Variants in SLC6A5 observed in about 807,000 individuals in gnomAD.
SLC6A5 encodes the protein solute carrier family 6 member 5.
A neutral mutation model predicts 90.5 loss-of-function variants in SLC6A5; 58 were observed. The ratio of observed to expected loss-of-function variants is 0.64; its 90% confidence interval spans 0.52 to 0.80. SLC6A5 has a LOEUF of 0.80. Among genes scored for constraint, SLC6A5 ranks in the 30% least tolerant of loss-of-function variants. The pLI is 0.00. For missense variants in SLC6A5, 1,015 were observed against 1,017.6 expected, an observed-to-expected ratio of 1.00 and a Z score of 0.03; for synonymous variants, 427 against 401.4, an observed-to-expected ratio of 1.06 and a Z score of -0.76.
chr11:20,638,090 G>C (rs980936808), intron 12 of SLC6A5, among the ~76,000 whole-genome samples: 9 of 152,204 alleles, frequency 5.9e-5, no homozygotes, highest in African/African-American at 2.2e-4. Flanking sequence ...AGGGTCAATC[G>C]AATGCAGATA....
chr11:20,601,445 C>A lies in SLC6A5; in HGVS notation c.320C>A (p.Pro107His). ...LREAQGAQASPPPGSSGPGNA... is the reference protein window; with the variant it reads ...LREAQGAQASHPPGSSGPGNA... Reference sequence around the variant, plus strand: ...GAGGCGCAAGGCGCGCAGGCCTCGCCCCCTCCCGGGAGCTCCGGGCCCGGC... The same window carrying A: ...GAGGCGCAAGGCGCGCAGGCCTCGCACCCTCCCGGGAGCTCCGGGCCCGGC... Residue 107 changes from proline (P) to histidine (H), a missense_variant, in exon 2 of 16, where the codon CCC becomes CAC. Physicochemically the swap from Pro to His is moderately conservative, Grantham distance 77. Transcript: ENST00000525748. 2 of 1,608,334 alleles carry A rather than the reference C, an allele frequency of 1.2e-6. No individual in the cohort carries two copies. Among genetic ancestry groups the A allele is most frequent in the Non-Finnish European group, 1.7e-6 (2 of 1,177,550 alleles).
At chr11:20,639,701 G>C (rs890898791) in intron 13 of SLC6A5, among the ~76,000 whole-genome samples, 3 of 152,112 alleles carry the variant, frequency 2.0e-5, no homozygotes, top group African/African-American at 4.8e-5. Context: ...TAAAATAAAG[G>C]GGGTGGAGTG....
At chr11:20,624,603 A>G (rs1358720669) in intron 7 of SLC6A5, among the ~76,000 whole-genome samples, 2 of 152,162 alleles carry the variant, frequency 1.3e-5, no homozygotes, top group Admixed American at 6.5e-5. Flanking sequence ...AGCGTGCGGC[A>G]GGTGCCCTGT....
intron 1 of SLC6A5, among the ~76,000 whole-genome samples, chr11:20,600,252 G>A (rs1357154773): frequency 2.0e-5 from 3 of 151,806 alleles, no homozygotes; most frequent in African/African-American, 4.8e-5. Flanking sequence ...ATAAAAATTA[G>A]TCATGAGTTT....
intron 10 of SLC6A5, among the ~76,000 whole-genome samples, chr11:20,633,773 A>G (rs76873325): frequency 0.14 from 22,071 of 152,214 alleles, 1,821 homozygotes; most frequent in African/African-American, 0.22. Context: ...AAAGGTAGGT[A>G]CTATTACTAT....
intron 8 of SLC6A5, among the ~76,000 whole-genome samples, chr11:20,627,149 A>C (rs1853013719): frequency 6.6e-6 from 1 of 152,180 alleles, no homozygotes; most frequent in Admixed American, 6.5e-5. Context: ...AGAGTGTCGG[A>C]AGGGTAGTTT....
At chr11:20,627,295 A>G (rs1036722832) in intron 8 of SLC6A5, among the ~76,000 whole-genome samples, 1 of 152,204 alleles carries the variant, frequency 6.6e-6, no homozygotes, top group Non-Finnish European at 1.5e-5. Context: ...CACAAGCTGA[A>G]CTTTGTCTTT....
rs779789565 is a variant in SLC6A5 at position 20,654,676 on chromosome 11, A to G, written c.2239-37A>G. ...CGTCCCCAGGTGAGGAAGGTGCACT[A>G]CTTCTGTGACCATGTCTGTCTTTGG... is the stretch of plus-strand genomic sequence containing the variant. On this transcript the variant is annotated intron_variant, in intron 15 of 15. Coordinates refer to ENST00000525748, the MANE Select transcript of SLC6A5 (RefSeq NM_004211.5). The G allele has an allele frequency of 1.4e-5, 22 of 1,612,220 alleles. No individual in the cohort carries two copies. The South Asian group carries it at 1.6e-4, about 12-fold the overall frequency.
intron 9 of SLC6A5, among the ~76,000 whole-genome samples, chr11:20,629,752 T>A (rs1853071881): frequency 6.6e-6 from 1 of 150,720 alleles, no homozygotes; most frequent in African/African-American, 2.5e-5. Context: ...TTTTTTGAGA[T>A]GGAGTTTCGC....
chr11:20,607,283 G>T, intron 4 of SLC6A5, 145 bp downstream of exon 4: 2 of 1,317,830 alleles, frequency 1.5e-6, no homozygotes, highest in Non-Finnish European at 2.2e-6. Context: ...CTGAATAATG[G>T]CCCAAGATCA....
In SLC6A5 at chr11:20,641,922, G is replaced by C. The variant is rs2298829; in HGVS notation, c.1969+3364G>C. Among the ~76,000 whole-genome samples the C allele has an allele frequency of 3.5e-4, 54 of 152,168 alleles. No homozygotes were observed. In the East Asian group the frequency reaches 7.8e-3, roughly 22 times the overall value. ...GTTGCCCAGAGATAATGGAGGGTCA[G>C]AGTAGTCAGAAAATCCTTGGAGGTG... On this transcript the variant is annotated intron_variant, in intron 13 of 15. Transcript: ENST00000525748.
intron 3 of SLC6A5, 127 bp from the exon 4 acceptor site, chr11:20,606,880 T>G: frequency 8.5e-7 from 1 of 1,183,040 alleles, no homozygotes; most frequent in Non-Finnish European, 1.2e-6. Context: ...AAAGGGCTTC[T>G]TCAGGAATGG....
chr11:20,641,365 G>A (rs777216826), intron 13 of SLC6A5, among the ~76,000 whole-genome samples: 5 of 152,062 alleles, frequency 3.3e-5, no homozygotes, highest in Non-Finnish European at 7.4e-5. Flanking sequence ...CTCCCAGATG[G>A]CCTCTCTTCA....
In SLC6A5 at chr11:20,652,447, A is replaced by T; in HGVS notation, c.2229A>T (p.Arg743Ser). ...TAAAAATGCATCTGGCCCCTGGAAG[A>T]TTTATTGAGGTAATTCTGTCTACTT... ...FVIKMHLAPG[R>S]FIERLKLVCS... Residue 743 changes from arginine (R) to serine (S), a missense_variant, in exon 15 of 16, where the codon AGA (arginine) becomes AGT (serine). Physicochemically the swap from Arg to Ser is moderately radical, Grantham distance 110. This residue lies in a region of SLC6A5 where 442 missense variants were observed against 494.3 expected (regional missense o/e 0.89). Coordinates refer to ENST00000525748, the MANE Select transcript of SLC6A5 (RefSeq NM_004211.5). 6.2e-7 allele frequency: 1 copy of T among 1,613,914 alleles called. No homozygotes were observed. Among genetic ancestry groups the T allele is most frequent in the Non-Finnish European group, 8.5e-7 (1 of 1,179,794 alleles).
At chr11:20,610,574 T>C (rs930026093) in intron 5 of SLC6A5, among the ~76,000 whole-genome samples, 2 of 152,236 alleles carry the variant, frequency 1.3e-5, no homozygotes, top group East Asian at 1.9e-4. Flanking sequence ...AAATAACTTA[T>C]GTGCTTATTT....
chr11:20,631,793 G>A (rs888795792), intron 10 of SLC6A5, among the ~76,000 whole-genome samples: 2 of 152,184 alleles, frequency 1.3e-5, no homozygotes, highest in African/African-American at 4.8e-5. Flanking sequence ...TTCCTTCAAG[G>A]AGCTGACTGC....
Position 20,618,682 on chromosome 11 carries a change from A to G in SLC6A5, c.1260+798A>G, listed in dbSNP as rs1276398290. On this transcript the variant is annotated intron_variant, in intron 7 of 15. Transcript: ENST00000525748. ...TTGGGTGCAGTGGCTCAGGCCTGTAATCCCAGCACTTTGGGAGGCTGAGGC... is the reference window on the plus strand; with the variant it reads ...TTGGGTGCAGTGGCTCAGGCCTGTAGTCCCAGCACTTTGGGAGGCTGAGGC... Among the ~76,000 whole-genome samples, 10 of 152,100 alleles carry G rather than the reference A, an allele frequency of 6.6e-5. No homozygotes were observed. The East Asian group carries it at 1.2e-3, about 18-fold the overall frequency.
chr11:20,607,649 T>C lies in SLC6A5; in HGVS notation c.982T>C (p.Leu328=). The C allele has an allele frequency of 6.2e-7, 1 of 1,613,480 alleles. No individual in the cohort carries two copies. Among genetic ancestry groups the C allele is most frequent in the Non-Finnish European group, 8.5e-7 (1 of 1,179,506 alleles). ...ATGCAAAGATAAAACCAAACTTTTA[T>C]TAGGTAAGTTTGGAAATACCTGCTT... ...PECKDKTKLL[L]DSCVISDHPK... Residue 328 remains leucine (L), a synonymous_variant, in exon 5 of 16, where the codon TTA becomes CTA. Coordinates refer to ENST00000525748, the MANE Select transcript of SLC6A5 (RefSeq NM_004211.5).
At position 20,604,340 on chromosome 11, in the gene SLC6A5, G is replaced by A. The variant is rs749355967; in HGVS notation, c.595G>A (p.Asp199Asn). Reference sequence around the variant, plus strand: ...CCGAGGGAACTGGTCCAGCAAACTGGACTTCATCCTGTCCATGGTGGGGTA... The same window carrying A: ...CCGAGGGAACTGGTCCAGCAAACTGAACTTCATCCTGTCCATGGTGGGGTA... ...KARGNWSSKLDFILSMVGYAV... is the reference protein window; with the variant it reads ...KARGNWSSKLNFILSMVGYAV... The change falls in exon 3 of 16, where the codon GAC becomes AAC. Residue 199 changes from aspartate (D) to asparagine (N), a missense_variant. By Grantham distance (23) the Asp-to-Asn change is conservative. Around this residue, in one of 3 missense-constraint regions of SLC6A5, gnomAD observed 567 missense variants for 507.3 expected, o/e 1.12. Coordinates refer to ENST00000525748, the MANE Select transcript of SLC6A5 (RefSeq NM_004211.5). The A allele has an allele frequency of 6.2e-7, 1 of 1,614,066 alleles. No individual in the cohort carries two copies. The highest frequency in any genetic ancestry group is 8.5e-7 in the Non-Finnish European group (1 of 1,179,948).
Sources: gnomAD v4.1 joint callset for allele counts (sites outside exome capture counted in the v4.1 genomes callset) on GRCh38, gnomAD v4.1.1 for gene constraint, gnomAD v4.1.1 regional missense constraint, MANE v1.5 for transcripts, NCBI Gene and HGNC (gene_info 2026-07-23, HGNC 2026-07-21) for gene names.